BRAF: variants seen among roughly 807,000 people sequenced by gnomAD.
The protein encoded by BRAF is B-Raf proto-oncogene, serine/threonine kinase.
A neutral mutation model predicts 104.6 loss-of-function variants in BRAF; 16 were observed. That is an observed-to-expected ratio of 0.15 (90% confidence interval 0.10 to 0.23). The LOEUF is 0.23. BRAF is among the 10% of genes least tolerant of loss of function. The probability of loss-of-function intolerance (pLI) is 1.00; values close to 1 mark genes in which losing one functional copy is unlikely to be tolerated. For missense variants in BRAF, 541 were observed against 937.3 expected, an observed-to-expected ratio of 0.58 and a Z score of 5.52; for synonymous variants, 310 against 341.6, an observed-to-expected ratio of 0.91 and a Z score of 1.02.
the BRAF span, among the ~76,000 whole-genome samples, chr7:140,714,266 A>G: frequency 1.3e-5 from 2 of 152,200 alleles, no homozygotes; most frequent in African/African-American, 4.8e-5. Context: ...GGGCCAGAGG[A>G]ATGGGTGAAG....
rs1207896830 is a variant in BRAF at position 140,719,470 on chromosome 7, C to G, written c.*7024G>C. 5.9e-6 allele frequency: 6 copies of G among 1,018,336 alleles called. No homozygotes were observed. Among genetic ancestry groups the G allele is most frequent in the Non-Finnish European group, 7.1e-6 (6 of 843,374 alleles). 63.1% of individuals were successfully genotyped at this position (1,018,336 alleles called of 1,614,324 possible). A position where few individuals can be genotyped will look rare whatever the true frequency, so the allele number is the denominator to read the frequency against. On this transcript the variant is annotated 3_prime_UTR_variant, in exon 20 of 20. Transcript: ENST00000644969. ...TAAATTTCTTCAATCTGAATTTCAG[C>G]TATCTTTTTTTATTCTCCATGCTTT...
rs1340504192 is a variant in BRAF at position 140,719,701 on chromosome 7, G to A, written c.*6793C>T. On this transcript the variant is annotated 3_prime_UTR_variant, in exon 20 of 20. Transcript: ENST00000644969. The stretch of plus-strand genomic sequence containing the variant: ...ATCATCCATTTGACTGAAAATAAAT[G>A]TCTTTTTTATGAATTGAAAAATAAG... 2.8e-6 allele frequency: 3 copies of A among 1,059,986 alleles called. No homozygotes were observed. The highest frequency in any genetic ancestry group is 1.0e-4 in the East Asian group (2 of 19,650). The allele number at this position is 1,059,986 out of a possible 1,614,324, so 65.7% of individuals were successfully genotyped here.
intron 1 of BRAF, among the ~76,000 whole-genome samples, chr7:140,870,562 A>G (rs1253975044): frequency 6.6e-6 from 1 of 151,792 alleles, no homozygotes; most frequent in Non-Finnish European, 1.5e-5. Context: ...TAGTACTTCA[A>G]GTCTTTGCAG....
chr7:140,713,648 TGAGG>T, the BRAF span, among the ~76,000 whole-genome samples: 1 of 152,374 alleles, frequency 6.6e-6, no homozygotes. Flanking sequence ...CCGTTGCTGG[TGAGG>T]AACTGCATTC....
chr7:140,867,836 T>C (rs568982604), intron 1 of BRAF, among the ~76,000 whole-genome samples: 1 of 152,320 alleles, frequency 6.6e-6, no homozygotes, highest in South Asian at 2.1e-4. Context: ...TGTAGGCACA[T>C]CTTTTACCCG....
intron 1 of BRAF, among the ~76,000 whole-genome samples, chr7:140,907,490 T>C (rs1015610800): frequency 2.0e-5 from 3 of 152,182 alleles, no homozygotes; most frequent in Non-Finnish European, 4.4e-5. Flanking sequence ...CTCAATCTCC[T>C]GACCTCGTGA....
At chr7:140,741,379 T>G (rs113981671) in intron 17 of BRAF, 1 of 152,200 alleles carries the variant, frequency 6.6e-6, no homozygotes, top group East Asian at 1.9e-4. Flanking sequence ...TTTAACTTTT[T>G]TATTGCCGCT....
At chr7:140,747,581 T>C (rs1585991429) in intron 17 of BRAF, 1 of 315,022 alleles carries the variant, frequency 3.2e-6, no homozygotes, top group African/African-American at 2.2e-5. Flanking sequence ...ATGAATTTCA[T>C]CCAGATCTTA....
intron 1 of BRAF, among the ~76,000 whole-genome samples, chr7:140,887,858 T>G (rs1197579329): frequency 6.6e-6 from 1 of 151,696 alleles, no homozygotes; most frequent in Non-Finnish European, 1.5e-5. Context: ...GGACTACAGA[T>G]GCATGCCACC....
intron 14 of BRAF, 114 bp downstream of exon 13, chr7:140,776,798 T>C (rs1800376694): frequency 1.9e-6 from 2 of 1,030,900 alleles, no homozygotes; most frequent in Non-Finnish European, 3.0e-6. Context: ...AGCATCCTTA[T>C]GTTCCTGGAC....
intron 19 of BRAF, among the ~76,000 whole-genome samples, chr7:140,729,164 G>T (rs1460619880): frequency 1.3e-5 from 2 of 152,014 alleles, no homozygotes; most frequent in African/African-American, 4.8e-5. Flanking sequence ...GAGACCAGCA[G>T]GTTGAGGCTG....
At chr7:140,846,882 A>T (rs1586386225) in intron 2 of BRAF, among the ~76,000 whole-genome samples, 1 of 152,222 alleles carries the variant, frequency 6.6e-6, no homozygotes, top group Non-Finnish European at 1.5e-5. Flanking sequence ...ATGGCCAGGC[A>T]CGGTGGCTCA....
chr7:140,713,818 C>T, the BRAF span, among the ~76,000 whole-genome samples: 11 of 152,042 alleles, frequency 7.2e-5, no homozygotes, highest in East Asian at 3.9e-4. Flanking sequence ...GTTAGTTTTC[C>T]TTCTAACAGA....
Position 140,794,437 on chromosome 7 carries a change from TGAA to T in BRAF, c.1008_1010del (p.Ser337del). ...AGGGCTGTGGAATTGGAATGGATTT[TGAA>T]GGAGACGGACTGGTGAGAATTTGGG... On this transcript the variant is annotated inframe_deletion, in exon 8 of 20. Transcript: ENST00000644969. The T allele has an allele frequency of 6.2e-7, 1 of 1,614,110 alleles. No homozygotes were observed. Among genetic ancestry groups the T allele is most frequent in the Non-Finnish European group, 8.5e-7 (1 of 1,180,008 alleles).
intron 2 of BRAF, among the ~76,000 whole-genome samples, chr7:140,836,680 C>T (rs1807376382): frequency 6.6e-6 from 1 of 152,162 alleles, no homozygotes; most frequent in South Asian, 2.1e-4. Flanking sequence ...GGCCTAATTA[C>T]TTAAGCATAC....
At chr7:140,728,713 G>C (rs999849651) in intron 19 of BRAF, among the ~76,000 whole-genome samples, 54 of 152,076 alleles carry the variant, frequency 3.6e-4, no homozygotes, top group Non-Finnish European at 8.8e-5. Context: ...GCTATTTTTA[G>C]TGTTTTAATG....
At position 140,849,447 on chromosome 7, in the gene BRAF, A is replaced by T. The variant is rs76901909; in HGVS notation, c.240+664T>A. The stretch of plus-strand genomic sequence containing the variant: ...AAACTCATTCTGGAAAAAATATTTT[A>T]AAAAATTACCCCATTTTCCAATATG... On this transcript the variant is annotated intron_variant, in intron 2 of 19. Transcript: ENST00000644969. Among the ~76,000 whole-genome samples the T allele has an allele frequency of 7.0e-3, 1,070 of 152,154 alleles. 8 individuals are homozygous for T. The highest frequency in any genetic ancestry group is 0.02 in the African/African-American group (844 of 41,476).
intron 1 of BRAF, among the ~76,000 whole-genome samples, chr7:140,870,450 G>A (rs1287645734): frequency 1.3e-5 from 2 of 151,860 alleles, no homozygotes; most frequent in Admixed American, 6.6e-5. Flanking sequence ...ATACTTACTC[G>A]TTATTATTAG....
At chr7:140,920,000 G>A (rs1818044578) in intron 1 of BRAF, among the ~76,000 whole-genome samples, 1 of 152,052 alleles carries the variant, frequency 6.6e-6, no homozygotes, top group Admixed American at 6.6e-5. Context: ...GAGCCACCAC[G>A]ACCAGCCCTA....
Sources: allele counts gnomAD v4.1 joint callset (sites outside exome capture counted in the v4.1 genomes callset), GRCh38; gene constraint gnomAD v4.1.1; transcripts MANE v1.5; gene names NCBI Gene and HGNC (gene_info 2026-07-23, HGNC 2026-07-21).